Variants in DPYD observed in about 807,000 individuals in gnomAD.
The protein encoded by DPYD is dihydropyrimidine dehydrogenase [NADP(+)].
In DPYD, 109 loss-of-function variants were observed where a neutral mutation model predicts 116.2. The observed-to-expected ratio is 0.94, with a 90% confidence interval of 0.80 to 1.10. The LOEUF is 1.10. Among genes scored for constraint, DPYD ranks in the 50% least tolerant of loss-of-function variants. The probability of loss-of-function intolerance (pLI) is 0.00; values close to 1 mark genes in which losing one functional copy is unlikely to be tolerated. For missense variants in DPYD, 1,302 were observed against 1,254.5 expected, an observed-to-expected ratio of 1.04 and a Z score of -0.57; for synonymous variants, 440 against 432.0, an observed-to-expected ratio of 1.02 and a Z score of -0.23.
At chr1:97,812,211 C>G (rs1283032593) in intron 3 of DPYD, among the ~76,000 whole-genome samples, 1 of 152,154 alleles carries the variant, frequency 6.6e-6, no homozygotes, top group African/African-American at 2.4e-5. Flanking sequence ...AAATCTACCC[C>G]TAGGCACTAA....
intron 2 of DPYD, among the ~76,000 whole-genome samples, chr1:97,859,152 C>G (rs2101587689): frequency 6.6e-6 from 1 of 151,828 alleles, no homozygotes; most frequent in African/African-American, 2.4e-5. Context: ...GTCTGTTTGC[C>G]TATTACACAA....
intron 16 of DPYD, among the ~76,000 whole-genome samples, chr1:97,334,124 T>G (rs1232265670): frequency 6.6e-6 from 1 of 152,138 alleles, no homozygotes; most frequent in Non-Finnish European, 1.5e-5. Context: ...TACTTGGGGA[T>G]TTGAGAAGGT....
At chr1:97,866,547 T>G (rs1026978069) in intron 2 of DPYD, among the ~76,000 whole-genome samples, 1 of 151,888 alleles carries the variant, frequency 6.6e-6, no homozygotes, top group Non-Finnish European at 1.5e-5. Flanking sequence ...GACCCTGAAG[T>G]TACAGTTGTG....
intron 8 of DPYD, among the ~76,000 whole-genome samples, chr1:97,598,617 G>A (rs1571032481): frequency 7.2e-6 from 1 of 139,690 alleles, no homozygotes; most frequent in South Asian, 2.6e-4. Flanking sequence ...GGGAGGGAGG[G>A]AAGGAGGGAG....
chr1:97,136,487 T>C (rs1190461181), intron 20 of DPYD, among the ~76,000 whole-genome samples: 1 of 152,110 alleles, frequency 6.6e-6, no homozygotes, highest in Non-Finnish European at 1.5e-5. Context: ...CATGTGTGTG[T>C]TTTTCCTTTT....
chr1:97,446,465 C>G (rs1218801152), intron 14 of DPYD, among the ~76,000 whole-genome samples: 1 of 152,076 alleles, frequency 6.6e-6, no homozygotes, highest in Admixed American at 6.6e-5. Context: ...CACTTTGAAC[C>G]CAATGTGTAC....
intron 13 of DPYD, among the ~76,000 whole-genome samples, chr1:97,456,998 G>A (rs1676726611): frequency 1.3e-5 from 2 of 151,952 alleles, no homozygotes; most frequent in Non-Finnish European, 2.9e-5. Context: ...TTAGTGTGTT[G>A]AAGACTGTCA....
At chr1:97,374,051 C>G (rs2101519611) in intron 15 of DPYD, among the ~76,000 whole-genome samples, 1 of 152,258 alleles carries the variant, frequency 6.6e-6, no homozygotes, top group East Asian at 1.9e-4. Context: ...CACATTTATT[C>G]CTTCCTAAAT....
intron 13 of DPYD, among the ~76,000 whole-genome samples, chr1:97,498,681 G>T (rs1041359057): frequency 7.3e-5 from 11 of 151,486 alleles, no homozygotes; most frequent in African/African-American, 2.4e-4. Flanking sequence ...AATTATAGTT[G>T]CATATATTTA....
At chr1:97,686,452 C>T (rs1362048826) in intron 7 of DPYD, among the ~76,000 whole-genome samples, 9 of 151,156 alleles carry the variant, frequency 6.0e-5, no homozygotes, top group Non-Finnish European at 8.9e-5. Context: ...CTGGCTAACA[C>T]GGTGAAACCC....
intron 14 of DPYD, among the ~76,000 whole-genome samples, chr1:97,383,193 T>A (rs1261378208): frequency 6.6e-6 from 1 of 151,876 alleles, no homozygotes; most frequent in African/African-American, 2.4e-5. Context: ...ATAACAGAAA[T>A]TGGCCAGGCG....
At chr1:97,816,380 A>G (rs1288074937) in intron 3 of DPYD, among the ~76,000 whole-genome samples, 1 of 152,196 alleles carries the variant, frequency 6.6e-6, no homozygotes, top group Non-Finnish European at 1.5e-5. Flanking sequence ...TGCATTGACT[A>G]AATTTTTAAT....
At chr1:97,823,571 T>A (rs1250965731) in intron 3 of DPYD, among the ~76,000 whole-genome samples, 1 of 152,184 alleles carries the variant, frequency 6.6e-6, no homozygotes, top group African/African-American at 2.4e-5. Context: ...AAATTCCACA[T>A]AAAAGTGAGA....
At chr1:97,724,916 GAA>G (rs1491424240) in intron 4 of DPYD, among the ~76,000 whole-genome samples, 1 of 127,938 alleles carries the variant, frequency 7.8e-6, no homozygotes, top group African/African-American at 2.9e-5. Context: ...AGATAGAGAA[GAA>G]GAGAGAGAGA....
chr1:97,347,097 C>A (rs918958332), intron 16 of DPYD, among the ~76,000 whole-genome samples: 25 of 151,484 alleles, frequency 1.7e-4, no homozygotes, highest in Middle Eastern at 3.4e-3. Context: ...TTTTTTATCT[C>A]TTTATTTTAA....
At chr1:97,316,899 A>G (rs943460003) in intron 16 of DPYD, among the ~76,000 whole-genome samples, 2 of 151,720 alleles carry the variant, frequency 1.3e-5, no homozygotes, top group African/African-American at 4.8e-5. Flanking sequence ...CCTATGGTGT[A>G]TATTCCCAGG....
At chr1:97,346,456 T>A (rs1669847782) in intron 16 of DPYD, among the ~76,000 whole-genome samples, 1 of 151,830 alleles carries the variant, frequency 6.6e-6, no homozygotes, top group African/African-American at 2.4e-5. Flanking sequence ...TTATTCCTAA[T>A]TTATATCTTG....
At chr1:97,678,030 G>A (rs936205741) in intron 8 of DPYD, among the ~76,000 whole-genome samples, 5 of 152,118 alleles carry the variant, frequency 3.3e-5, no homozygotes, top group Admixed American at 3.3e-4. Flanking sequence ...ATTTAACACA[G>A]TGGTCCCCAA....
chr1:97,537,257 C>G (rs1278069726), intron 12 of DPYD, among the ~76,000 whole-genome samples: 1 of 151,996 alleles, frequency 6.6e-6, no homozygotes, highest in Non-Finnish European at 1.5e-5. Context: ...ACTTTTTTTC[C>G]CACATCATAA....
Sources: allele counts gnomAD v4.1 joint callset (sites outside exome capture counted in the v4.1 genomes callset), GRCh38; gene constraint gnomAD v4.1.1; transcripts MANE v1.5; gene names NCBI Gene and HGNC (gene_info 2026-07-23, HGNC 2026-07-21).